KLHL32: variants seen among roughly 807,000 people sequenced by gnomAD.
KLHL32 encodes kelch like family member 32, also known as kelch-like protein 32.
A neutral mutation model predicts 64.8 loss-of-function variants in KLHL32; 35 were observed. That is an observed-to-expected ratio of 0.54 (90% CI 0.41 to 0.72). The LOEUF (loss-of-function observed/expected upper bound fraction) is 0.72. Among genes scored for constraint, KLHL32 ranks in the 30% least tolerant of loss-of-function variants. KLHL32 has a pLI of 0.00. For missense variants in KLHL32, 589 were observed against 768.5 expected, an observed-to-expected ratio of 0.77 and a Z score of 2.76; for synonymous variants, 259 against 281.0, an observed-to-expected ratio of 0.92 and a Z score of 0.78.
At chr6:97,049,514 A>G (rs1164982571) in intron 4 of KLHL32, among the ~76,000 whole-genome samples, 2 of 134,680 alleles carry the variant, frequency 1.5e-5, no homozygotes, top group Non-Finnish European at 3.1e-5. Flanking sequence ...AGAATTTTCT[A>G]TTTAATGTTT....
the KLHL32 span, among the ~76,000 whole-genome samples, chr6:96,899,116 G>A: frequency 2.0e-5 from 3 of 152,270 alleles, no homozygotes; most frequent in African/African-American, 7.2e-5. Flanking sequence ...CAAGGAAGAC[G>A]GCTTCAGCCA....
chr6:96,993,549 T>C (rs73494867), intron 3 of KLHL32, among the ~76,000 whole-genome samples: 1 of 152,184 alleles, frequency 6.6e-6, no homozygotes, highest in African/African-American at 2.4e-5. Flanking sequence ...ATCATCAGAA[T>C]CATTTTAAGA....
intron 1 of KLHL32, among the ~76,000 whole-genome samples, chr6:96,947,262 C>T (rs1288591763): frequency 1.3e-5 from 2 of 152,212 alleles, no homozygotes; most frequent in Non-Finnish European, 1.5e-5. Flanking sequence ...CTTCTGCATT[C>T]AACCTGTGTA....
chr6:97,137,388 G>A (rs1800140906), intron 10 of KLHL32, among the ~76,000 whole-genome samples: 1 of 152,098 alleles, frequency 6.6e-6, no homozygotes, highest in South Asian at 2.1e-4. Flanking sequence ...AGGGTATATT[G>A]TTCAATAAAG....
the KLHL32 span, among the ~76,000 whole-genome samples, chr6:96,899,044 T>A: frequency 1.3e-5 from 2 of 151,990 alleles, no homozygotes; most frequent in African/African-American, 2.4e-5. Context: ...AAAGGGAAAG[T>A]TTTTTAAAAA....
the KLHL32 span, among the ~76,000 whole-genome samples, chr6:96,907,480 C>T: frequency 1.4e-4 from 22 of 152,148 alleles, 1 homozygote; most frequent in Non-Finnish European, 7.4e-5. Flanking sequence ...GATGGGTTCA[C>T]ACTCAGAAAT....
At chr6:97,032,890 T>C (rs1189306294) in intron 3 of KLHL32, among the ~76,000 whole-genome samples, 1 of 151,734 alleles carries the variant, frequency 6.6e-6, no homozygotes, top group African/African-American at 2.4e-5. Flanking sequence ...TGCAAATGCA[T>C]AAACAAAATC....
At chr6:97,015,673 G>A (rs1478661851) in intron 3 of KLHL32, among the ~76,000 whole-genome samples, 1 of 152,160 alleles carries the variant, frequency 6.6e-6, no homozygotes, top group Non-Finnish European at 1.5e-5. Context: ...CATTTTCTGG[G>A]GAGACGTTCA....
intron 5 of KLHL32, among the ~76,000 whole-genome samples, chr6:97,078,435 A>G (rs1791946190): frequency 6.6e-6 from 1 of 152,330 alleles, no homozygotes; most frequent in South Asian, 2.1e-4. Context: ...ATGAAAGATT[A>G]TAATTACATT....
At chr6:97,087,500 A>T (rs756959905) in intron 6 of KLHL32, among the ~76,000 whole-genome samples, 1 of 152,218 alleles carries the variant, frequency 6.6e-6, no homozygotes, top group Non-Finnish European at 1.5e-5. Flanking sequence ...GAACGTTCTC[A>T]CTGTAATAAA....
intron 5 of KLHL32, among the ~76,000 whole-genome samples, chr6:97,075,369 C>T (rs1791437055): frequency 6.6e-6 from 1 of 152,108 alleles, no homozygotes; most frequent in African/African-American, 2.4e-5. Flanking sequence ...CTATATCTCT[C>T]TGTATGTTTA....
At chr6:97,022,682 C>A (rs1303565440) in intron 3 of KLHL32, among the ~76,000 whole-genome samples, 1 of 151,928 alleles carries the variant, frequency 6.6e-6, no homozygotes, top group Non-Finnish European at 1.5e-5. Flanking sequence ...GTTGGCCAGG[C>A]TGGTCTCGAA....
At chr6:96,995,664 G>A (rs1778336293) in intron 3 of KLHL32, among the ~76,000 whole-genome samples, 2 of 152,114 alleles carry the variant, frequency 1.3e-5, no homozygotes, top group Admixed American at 6.5e-5. Flanking sequence ...CTTTGCTAGT[G>A]ACCATTCTTT....
chr6:96,999,444 A>G, intron 3 of KLHL32: 1 of 557,252 alleles, frequency 1.8e-6, no homozygotes, highest in Non-Finnish European at 2.3e-6. Flanking sequence ...TTGAATTTTG[A>G]TATCAAAAAC....
the KLHL32 span, among the ~76,000 whole-genome samples, chr6:96,916,516 A>C: frequency 7.2e-5 from 11 of 152,272 alleles, no homozygotes; most frequent in African/African-American, 2.6e-4. Context: ...TTGAAGCTCA[A>C]ACCTATTTTC....
At chr6:96,994,307 G>T (rs755390525) in intron 3 of KLHL32, among the ~76,000 whole-genome samples, 4 of 152,080 alleles carry the variant, frequency 2.6e-5, no homozygotes, top group Admixed American at 1.3e-4. Flanking sequence ...TTTCATAAAG[G>T]CTCAATAAAT....
At chr6:97,109,485 C>T (rs1038299723) in intron 6 of KLHL32, among the ~76,000 whole-genome samples, 2 of 152,092 alleles carry the variant, frequency 1.3e-5, no homozygotes, top group Non-Finnish European at 2.9e-5. Context: ...GATAGTAGAC[C>T]ACAAACCAGA....
intron 1 of KLHL32, among the ~76,000 whole-genome samples, chr6:96,931,890 C>G (rs1158290846): frequency 6.6e-6 from 1 of 152,082 alleles, no homozygotes; most frequent in Non-Finnish European, 1.5e-5. Flanking sequence ...GAAAAAAAAG[C>G]CTACTCTAAA....
At chr6:96,912,688 G>A in the KLHL32 span, among the ~76,000 whole-genome samples, 1 of 152,038 alleles carries the variant, frequency 6.6e-6, no homozygotes, top group African/African-American at 2.4e-5. Context: ...AAACATACAA[G>A]GTACTCAATA....
Sources: gnomAD v4.1 joint callset for allele counts (sites outside exome capture counted in the v4.1 genomes callset) on GRCh38, gnomAD v4.1.1 for gene constraint, MANE v1.5 for transcripts, NCBI Gene and HGNC (gene_info 2026-07-23, HGNC 2026-07-21) for gene names.